The following DSPP variants were observed in gnomAD, a reference collection of about 807,000 sequenced individuals.
The protein encoded by DSPP is deafness, autosomal dominant 39.
In DSPP, 28 loss-of-function variants were observed where a neutral mutation model predicts 29.1. That is an observed-to-expected ratio of 0.96 (90% CI 0.71 to 1.32). The LOEUF (loss-of-function observed/expected upper bound fraction) is 1.32, where lower values mean the gene tolerates loss of function less well. Among genes scored for constraint, DSPP ranks in the 40% most tolerant of loss-of-function variants. DSPP has a pLI of 0.00. For synonymous variants in DSPP, 481 were observed against 503.4 expected, an observed-to-expected ratio of 0.96 and a Z score of 0.60; for missense variants, 1,281 against 1,629.9, an observed-to-expected ratio of 0.79 and a Z score of 3.69.
In DSPP at chr4:87,616,388, TAGC is replaced by T. The variant is rs1560481291; in HGVS notation, c.3729_3731del (p.Ser1244del). 6 of 1,507,756 alleles carry T rather than the reference TAGC, an allele frequency of 4.0e-6. No homozygotes were observed. Among genetic ancestry groups the T allele is most frequent in the Non-Finnish European group, 4.5e-6 (5 of 1,119,990 alleles). 93.4% of individuals were successfully genotyped at this position (1,507,756 alleles called of 1,614,324 possible). A position where few individuals can be genotyped will look rare whatever the true frequency, so the allele number is the denominator to read the frequency against. On this transcript the variant is annotated inframe_deletion, in exon 5 of 5. Transcript: ENST00000651931. ...GCAGCGACAGCAGTGACAGCAGCGA[TAGC>T]AGTGACAGCAGCAACAGCAGTGACA...
rs897312874 is a variant in DSPP at position 87,610,886 on chromosome 4, G to A, written c.-23G>A. The A allele has an allele frequency of 3.1e-6, 5 of 1,599,584 alleles. No individual in the cohort carries two copies. The Admixed American group carries it at 6.7e-5, about 21-fold the overall frequency. On this transcript the variant is annotated 5_prime_UTR_variant, in exon 2 of 5. Transcript: ENST00000651931. ...GCTGTTCCTTTTTTATACAGCCATT[G>A]ATTATTATTATTCCTAAAGAAAATG...
intron 2 of DSPP, 70 bp downstream of exon 2, chr4:87,611,029 T>TTGTGTGTGTG: frequency 9.7e-7 from 1 of 1,031,172 alleles, no homozygotes; most frequent in South Asian, 1.3e-5. Context: ...ATACAAAATG[T>TTGTGTGTGTG]AGTGTGTGTG....
In DSPP at chr4:87,612,540, A is replaced by G. The variant is rs1727755897; in HGVS notation, c.354A>G (p.Thr118=). The change falls in exon 4 of 5, where the codon ACA becomes ACG. Residue 118 remains threonine, a synonymous_variant. Coordinates refer to ENST00000651931, the MANE Select transcript of DSPP (RefSeq NM_014208.3). ...GWNGDTGKAE[T]YGHDGIHGKE... is the part of the protein sequence containing the mutation. ...ATGGGGACACAGGAAAAGCAGAAACATATGGTCATGATGGAATACATGGGA... is the reference window on the plus strand; with the variant it reads ...ATGGGGACACAGGAAAAGCAGAAACGTATGGTCATGATGGAATACATGGGA... The G allele has an allele frequency of 6.2e-7, 1 of 1,614,192 alleles. No homozygotes were observed. Among genetic ancestry groups the G allele is most frequent in the Non-Finnish European group, 8.5e-7 (1 of 1,180,012 alleles).
Position 87,615,101 on chromosome 4 carries a change from T to A in DSPP, c.2439T>A (p.Ser813Arg). The change falls in exon 5 of 5, where the codon AGT becomes AGA. Residue 813 changes from serine to arginine, a missense_variant. Physicochemically the swap from Ser to Arg is moderately radical, Grantham distance 110. Around this residue, in one of 4 missense-constraint regions of DSPP, gnomAD observed 444 missense variants for 611.4 expected, o/e 0.73. Transcript: ENST00000651931. ...ACAGCAGTGATAGCAGTGATAGCAG[T>A]GACAGCAGTGATAGCGACAGCAGCA... ...SSNSSDSSDS[S>R]DSSDSDSSNS... 1 of 1,547,730 alleles carries A rather than the reference T, an allele frequency of 6.5e-7. No individual in the cohort carries two copies. The highest frequency in any genetic ancestry group is 8.7e-7 in the Non-Finnish European group (1 of 1,146,206).
intron 3 of DSPP, 44 bp from the exon 4 acceptor site, chr4:87,612,278 A>G: frequency 1.2e-6 from 2 of 1,613,128 alleles, no homozygotes. Context: ...GCTTTCCTTC[A>G]AGATCATTGA....
In DSPP at chr4:87,615,935, C is replaced by T. The variant is rs553101049; in HGVS notation, c.3273C>T (p.Ser1091=). 1.2e-4 allele frequency: 48 copies of T among 387,204 alleles called. 9 individuals are homozygous for T. In the African/African-American group the frequency reaches 2.1e-3, roughly 17 times the overall value. The allele number at this position is 387,204 out of a possible 1,614,324, so 24.0% of individuals were successfully genotyped here. A position where few individuals can be genotyped will look rare whatever the true frequency, so the allele number is the denominator to read the frequency against. The change falls in exon 5 of 5, where the codon AGC becomes AGT. Residue 1091 remains serine, a synonymous_variant. Coordinates refer to ENST00000651931, the MANE Select transcript of DSPP (RefSeq NM_014208.3). Reference sequence around the variant, plus strand: ...AAAGCAGTGATAGCAGTGACAGCAGCAATAGCAGTGACAGCAGCGATAGCA... The same window carrying T: ...AAAGCAGTGATAGCAGTGACAGCAGTAATAGCAGTGACAGCAGCGATAGCA... ...SSESSDSSDS[S]NSSDSSDSSD...
rs1727749954 is a variant in DSPP, at chr4:87,612,314, T to A, written c.136-8T>A. 1 of 1,613,906 alleles carries A rather than the reference T, an allele frequency of 6.2e-7. No individual in the cohort carries two copies. The highest frequency in any genetic ancestry group is 1.3e-5 in the African/African-American group (1 of 75,028). On this transcript the variant is annotated splice_region_variant and splice_polypyrimidine_tract_variant and intron_variant, in intron 3 of 4. Coordinates refer to ENST00000651931, the MANE Select transcript of DSPP (RefSeq NM_014208.3). ...TACTTATAATTGATTGAATTGTTTC[T>A]TTTTCAGGATGAGTTAAATGCCAGT...
At chr4:87,609,423 A>G (rs1453204502) in intron 1 of DSPP, among the ~76,000 whole-genome samples, 1 of 152,204 alleles carries the variant, frequency 6.6e-6, no homozygotes, top group Non-Finnish European at 1.5e-5. Context: ...GGGACTGCAA[A>G]GTACAGGATA....
rs1553904228 is a variant in DSPP, at chr4:87,615,115, G to GCAA, written c.2454_2455insAAC (p.Ser818_Asp819insAsn). The stretch of plus-strand genomic sequence containing the variant: ...AGTGATAGCAGTGACAGCAGTGATA[G>GCAA]CGACAGCAGCAATAGCAGTGACAGC... On this transcript the variant is annotated inframe_insertion, in exon 5 of 5. Transcript: ENST00000651931. 1 of 1,549,776 alleles carries GCAA rather than the reference G, an allele frequency of 6.5e-7. No individual in the cohort carries two copies. The highest frequency in any genetic ancestry group is 8.7e-7 in the Non-Finnish European group (1 of 1,145,968).
In DSPP at chr4:87,611,177, G is replaced by A. The variant is rs575847619; in HGVS notation, c.51+218G>A. Among the ~76,000 whole-genome samples the A allele has an allele frequency of 9.5e-4, 145 of 151,850 alleles. 6 individuals are homozygous for A. Among genetic ancestry groups the A allele is most frequent in the Non-Finnish European group, 7.5e-4 (51 of 67,956 alleles). ...AAGGGCTTTATGTGATATCTGTGAGGTTTCAACAAAACCACTCCAATTCAT... is the reference window on the plus strand; with the variant it reads ...AAGGGCTTTATGTGATATCTGTGAGATTTCAACAAAACCACTCCAATTCAT... On this transcript the variant is annotated intron_variant, in intron 2 of 4. Transcript: ENST00000651931.
intron 2 of DSPP, 76 bp downstream of exon 2, chr4:87,611,035 G>A: frequency 1.1e-6 from 1 of 885,088 alleles, no homozygotes; most frequent in Non-Finnish European, 1.8e-6. Flanking sequence ...AATGTAGTGT[G>A]TGTGTGTGTG....
chr4:87,612,159 C>A lies in DSPP; in HGVS notation c.106C>A (p.Leu36Ile). The A allele has an allele frequency of 6.2e-7, 1 of 1,614,024 alleles. No homozygotes were observed. The part of the protein sequence containing the change: ...RHVEKSMNLH[L>I]LARSNVSVQD... ...TGTCGAAAAATCCATGAATTTGCATCTCCTAGCAAGATCAAATGTGTCAGT... is the reference window on the plus strand; with the variant it reads ...TGTCGAAAAATCCATGAATTTGCATATCCTAGCAAGATCAAATGTGTCAGT... The change falls in exon 3 of 5, where the codon CTC becomes ATC. Residue 36 changes from leucine (L) to isoleucine (I), a missense_variant. Physicochemically the swap from Leu to Ile is conservative, Grantham distance 5 (BLOSUM62 2). Around this residue, in one of 4 missense-constraint regions of DSPP, gnomAD observed 631 missense variants for 643.2 expected, o/e 0.98. Transcript: ENST00000651931.
At position 87,614,762 on chromosome 4, in the gene DSPP, GAGCAGTGATAGTAGTGAC is replaced by G. The variant is rs1182701623; in HGVS notation, c.2113_2130del (p.Ser705_Ser710del). 3.9e-6 allele frequency: 6 copies of G among 1,540,594 alleles called. No individual in the cohort carries two copies. In the African/African-American group the frequency reaches 7.1e-5, roughly 18 times the overall value. ...GTAGTGACAGCAGCAATAGCAGTGA[GAGCAGTGATAGTAGTGAC>G]AGCAGTGATAGTGACAGCAGTGATA... is the stretch of plus-strand genomic sequence containing the variant. On this transcript the variant is annotated inframe_deletion, in exon 5 of 5. Transcript: ENST00000651931.
rs777455715 is a variant in DSPP at position 87,614,200 on chromosome 4, A to T, written c.1538A>T (p.Asp513Val). 6.2e-7 allele frequency: 1 copy of T among 1,614,262 alleles called. No individual in the cohort carries two copies. Among genetic ancestry groups the T allele is most frequent in the South Asian group, 1.1e-5 (1 of 91,088 alleles). Reference sequence around the variant, plus strand: ...AGTGACTCAAAAGGAGCAGAAGATGATGACAGTGATAGCACATCAGACACT... The same window carrying T: ...AGTGACTCAAAAGGAGCAGAAGATGTTGACAGTGATAGCACATCAGACACT... ...NGSDSKGAED[D>V]DSDSTSDTNN... Residue 513 changes from aspartate (D) to valine (V), a missense_variant, in exon 5 of 5, where the codon GAT becomes GTT. By Grantham distance (152) the Asp-to-Val change is radical. Coordinates refer to ENST00000651931, the MANE Select transcript of DSPP (RefSeq NM_014208.3).
chr4:87,611,995 A>G, intron 2 of DSPP, 110 bp from the exon 3 acceptor site: 2 of 1,200,678 alleles, frequency 1.7e-6, no homozygotes, highest in Non-Finnish European at 2.4e-6. Context: ...TTTCTTCTTC[A>G]TGGAGGGAAG....
Position 87,612,714 on chromosome 4 carries a change from C to T in DSPP, c.528C>T (p.Val176=), listed in dbSNP as rs200100893. The part of the protein sequence containing the change: ...DVGDAGHNED[V]AVVQEDGPQV... ...GCGATGCAGGTCACAATGAGGATGT[C>T]GCTGTTGTCCAAGAAGATGGACCTC... Residue 176 remains valine, a synonymous_variant, in exon 4 of 5, where the codon GTC becomes GTT. Transcript: ENST00000651931. The T allele has an allele frequency of 5.5e-5, 88 of 1,613,974 alleles. No homozygotes were observed. Among genetic ancestry groups the T allele is most frequent in the South Asian group, 1.4e-4 (13 of 91,044 alleles).
Position 87,613,189 on chromosome 4 carries a change from G to A in DSPP, c.1003G>A (p.Asp335Asn). 6.2e-7 allele frequency: 1 copy of A among 1,614,064 alleles called. No individual in the cohort carries two copies. Among genetic ancestry groups the A allele is most frequent in the Non-Finnish European group, 8.5e-7 (1 of 1,180,030 alleles). Residue 335 changes from aspartate (D) to asparagine (N), a missense_variant, in exon 4 of 5, where the codon GAC becomes AAC. Coordinates refer to ENST00000651931, the MANE Select transcript of DSPP (RefSeq NM_014208.3). Reference sequence around the variant, plus strand: ...GGAGAATTCTGCTGGTATTCCAGAAGACAATGGCAGCCAAAGAATAGAGGA... The same window carrying A: ...GGAGAATTCTGCTGGTATTCCAGAAAACAATGGCAGCCAAAGAATAGAGGA... ...SEENSAGIPE[D>N]NGSQRIEDTQ...
In DSPP at chr4:87,616,593, C is replaced by A; in HGVS notation, c.*25C>A. 1 of 1,551,660 alleles carries A rather than the reference C, an allele frequency of 6.4e-7. No individual in the cohort carries two copies. The highest frequency in any genetic ancestry group is 8.7e-7 in the Non-Finnish European group (1 of 1,146,990). ...GAACAAAAGAAAAACCCGTAAGATT[C>A]CTTTTGTGAAAAGTTTGGTAATGGG... On this transcript the variant is annotated 3_prime_UTR_variant, in exon 5 of 5. Transcript: ENST00000651931.
intron 4 of DSPP, 87 bp from the exon 5 acceptor site, chr4:87,613,698 A>G (rs1014923169): frequency 3.1e-6 from 5 of 1,591,304 alleles, no homozygotes; most frequent in Non-Finnish European, 4.3e-6. Context: ...CCCTATGGCA[A>G]CTTTTCCCAG....
Sources: gnomAD v4.1 joint callset for allele counts (sites outside exome capture counted in the v4.1 genomes callset) on GRCh38, gnomAD v4.1.1 for gene constraint, gnomAD v4.1.1 regional missense constraint, MANE v1.5 for transcripts, NCBI Gene and HGNC (gene_info 2026-07-23, HGNC 2026-07-21) for gene names.